DLG2: variants seen among roughly 807,000 people sequenced by gnomAD.
DLG2 encodes the protein discs large MAGUK scaffold protein 2, also known as disks large homolog 2.
DLG2 carries 45 observed loss-of-function variants against 132.5 expected under a neutral mutation model. The ratio of observed to expected loss-of-function variants is 0.34; its 90% CI spans 0.27 to 0.44. The LOEUF is 0.44. DLG2 is among the 20% of genes least tolerant of loss of function. DLG2 has a pLI of 1.00. For synonymous variants in DLG2, 424 were observed against 419.6 expected (o/e 1.01, Z -0.13); for missense variants, 1,045 against 1,196.9 (o/e 0.87, Z 1.87).
At chr11:84,198,649 T>G (rs1163603003) in intron 8 of DLG2, among the ~76,000 whole-genome samples, 1 of 152,144 alleles carries the variant, frequency 6.6e-6, no homozygotes, top group Non-Finnish European at 1.5e-5. Flanking sequence ...ATTAGTCAAA[T>G]AAATGGTATA....
At chr11:84,495,366 T>C (rs2099179091) in intron 7 of DLG2, among the ~76,000 whole-genome samples, 1 of 152,162 alleles carries the variant, frequency 6.6e-6, no homozygotes, top group Non-Finnish European at 1.5e-5. Flanking sequence ...CTGACATAAA[T>C]GTGTCATACT....
intron 6 of DLG2, among the ~76,000 whole-genome samples, chr11:84,744,956 C>T (rs939730186): frequency 6.6e-6 from 1 of 150,572 alleles, no homozygotes. Context: ...AACACACCCT[C>T]CTCATCTTTT....
intron 3 of DLG2, among the ~76,000 whole-genome samples, chr11:85,431,256 C>A (rs559856550): frequency 1.3e-5 from 2 of 152,246 alleles, no homozygotes; most frequent in African/African-American, 4.8e-5. Flanking sequence ...GCTAGGGTGA[C>A]CCACAGAGAG....
Position 85,292,188 on chromosome 11 carries a change from C to A in DLG2, c.41-6823G>T, listed in dbSNP as rs141543206. ...TCTCTTCTGCAAAGTAAAAAGTTTT[C>A]ATTCTCCCAATCCATATGAGTCCAA... On this transcript the variant is annotated intron_variant, in intron 3 of 27. Transcript: ENST00000376104. Among the ~76,000 whole-genome samples, 87 of 152,194 alleles carry A rather than the reference C, an allele frequency of 5.7e-4. 1 individual carries two copies. In the East Asian group the frequency reaches 0.016, roughly 29 times the overall value.
At chr11:83,577,848 A>G (rs1214662666) in intron 19 of DLG2, among the ~76,000 whole-genome samples, 1 of 126,572 alleles carries the variant, frequency 7.9e-6, no homozygotes, top group Admixed American at 9.1e-5. Context: ...ATATAATTAT[A>G]AATATATAAT....
intron 18 of DLG2, among the ~76,000 whole-genome samples, chr11:83,635,274 C>G (rs972463518): frequency 6.6e-6 from 1 of 152,126 alleles, no homozygotes; most frequent in Admixed American, 6.6e-5. Flanking sequence ...AGATACGATA[C>G]TGTATGCAGA....
At chr11:85,500,364 G>A (rs1334024509) in intron 3 of DLG2, among the ~76,000 whole-genome samples, 2 of 130,826 alleles carry the variant, frequency 1.5e-5, no homozygotes, top group East Asian at 2.1e-4. Context: ...ACACAGGAAG[G>A]GGAATATCAC....
intron 17 of DLG2, among the ~76,000 whole-genome samples, chr11:83,796,702 T>C (rs1594554777): frequency 6.6e-6 from 1 of 152,352 alleles, no homozygotes; most frequent in Non-Finnish European, 1.5e-5. Flanking sequence ...TACTATCTTT[T>C]AATGTGTGCC....
chr11:83,755,531 C>T (rs1379787959), intron 18 of DLG2, among the ~76,000 whole-genome samples: 1 of 151,162 alleles, frequency 6.6e-6, no homozygotes, highest in Non-Finnish European at 1.5e-5. Flanking sequence ...ATTACTTTCC[C>T]AGACTCAAAA....
chr11:85,483,295 A>C (rs143166242), intron 3 of DLG2, among the ~76,000 whole-genome samples: 64 of 152,362 alleles, frequency 4.2e-4, no homozygotes, highest in African/African-American at 1.5e-3. Context: ...GCCAAGAGAG[A>C]GTGAGATGAT....
At chr11:84,257,677 G>A (rs925537968) in intron 7 of DLG2, among the ~76,000 whole-genome samples, 3 of 146,566 alleles carry the variant, frequency 2.0e-5, no homozygotes, top group African/African-American at 5.2e-5. Flanking sequence ...AGTTATCTCT[G>A]GATTTTTTTT....
intron 6 of DLG2, among the ~76,000 whole-genome samples, chr11:84,950,025 C>T (rs535601388): frequency 5.1e-4 from 77 of 152,290 alleles, no homozygotes; most frequent in Admixed American, 8.5e-4. Flanking sequence ...CTTCACAATC[C>T]ACGTTCTTCT....
intron 7 of DLG2, among the ~76,000 whole-genome samples, chr11:84,521,388 G>A (rs550877286): frequency 9.9e-5 from 15 of 152,284 alleles, no homozygotes; most frequent in East Asian, 3.9e-4. Context: ...TCCAAGACCC[G>A]GATTCCTGTC....
chr11:84,507,832 C>A (rs563045588), intron 7 of DLG2, among the ~76,000 whole-genome samples: 3 of 152,098 alleles, frequency 2.0e-5, no homozygotes, highest in African/African-American at 7.2e-5. Context: ...TGCTTTATCA[C>A]GGTGTATTAA....
At chr11:83,782,428 C>T (rs933343297) in intron 18 of DLG2, among the ~76,000 whole-genome samples, 2 of 152,122 alleles carry the variant, frequency 1.3e-5, no homozygotes, top group Non-Finnish European at 2.9e-5. Flanking sequence ...TAGGAGCTCA[C>T]TCGAGTGGAG....
At chr11:84,002,375 C>T (rs1230063144) in intron 11 of DLG2, among the ~76,000 whole-genome samples, 1 of 152,158 alleles carries the variant, frequency 6.6e-6, no homozygotes, top group South Asian at 2.1e-4. Flanking sequence ...GTGGGGGTGC[C>T]CACCCGACAT....
rs1434323394 is a variant in DLG2 at position 83,753,852 on chromosome 11, TC to T, written c.1825+32837del. Among the ~76,000 whole-genome samples the T allele has an allele frequency of 2.3e-3, 19 of 8,278 alleles. 1 individual carries two copies. Among genetic ancestry groups the T allele is most frequent in the African/African-American group, 6.1e-3 (8 of 1,320 alleles). The allele number at this position is 8,278 out of a possible 152,430, so 5.4% of individuals were successfully genotyped here. Reference sequence around the variant, plus strand: ...ATATATATGATATATATCATATATATCATATATATATTTCATATATATGATA... The same window carrying T: ...ATATATATGATATATATCATATATATATATATATATTTCATATATATGATA... On this transcript the variant is annotated intron_variant, in intron 18 of 27. Transcript: ENST00000376104.
chr11:84,305,839 A>G (rs1460709584), intron 7 of DLG2, among the ~76,000 whole-genome samples: 1 of 152,188 alleles, frequency 6.6e-6, no homozygotes, highest in Non-Finnish European at 1.5e-5. Flanking sequence ...AGAAAACTCT[A>G]AAACAGAGTT....
intron 5 of DLG2, among the ~76,000 whole-genome samples, chr11:85,151,646 T>C (rs1161320441): frequency 6.6e-6 from 1 of 152,212 alleles, no homozygotes; most frequent in Non-Finnish European, 1.5e-5. Flanking sequence ...AAATAAACTA[T>C]CCTTTCCCCA....
Sources: gnomAD v4.1 joint callset for allele counts (sites outside exome capture counted in the v4.1 genomes callset) on GRCh38, gnomAD v4.1.1 for gene constraint, MANE v1.5 for transcripts, NCBI Gene and HGNC (gene_info 2026-07-23, HGNC 2026-07-21) for gene names.